Variants in PTPRM observed in about 807,000 individuals in gnomAD.
The protein encoded by PTPRM is receptor-type tyrosine-protein phosphatase mu.
Under a neutral mutation model 186.7 loss-of-function variants are expected in PTPRM, and 47 were observed. The ratio of observed to expected loss-of-function variants is 0.25; its 90% CI spans 0.20 to 0.32. PTPRM has a LOEUF of 0.32. Among genes scored for constraint, PTPRM ranks in the 10% least tolerant of loss-of-function variants. The probability of loss-of-function intolerance (pLI) is 1.00; values close to 1 mark genes in which losing one functional copy is unlikely to be tolerated. For synonymous variants in PTPRM, 668 were observed against 674.9 expected (o/e 0.99, Z 0.16); for missense variants, 1,494 against 1,865.0 (o/e 0.80, Z 3.66).
intron 30 of PTPRM, among the ~76,000 whole-genome samples, chr18:8,386,089 TG>T (rs1568881941): frequency 6.6e-6 from 1 of 151,868 alleles, no homozygotes; most frequent in African/African-American, 2.4e-5. Flanking sequence ...TGTTTGTGGG[TG>T]GGGGGCATTG....
At chr18:7,892,504 A>G (rs1370962326) in intron 3 of PTPRM, among the ~76,000 whole-genome samples, 1 of 152,058 alleles carries the variant, frequency 6.6e-6, no homozygotes, top group Non-Finnish European at 1.5e-5. Context: ...CCCAATTGTG[A>G]ACTTTTCTGC....
chr18:7,851,746 C>T (rs952415856), intron 2 of PTPRM, among the ~76,000 whole-genome samples: 2 of 151,998 alleles, frequency 1.3e-5, no homozygotes, highest in Non-Finnish European at 2.9e-5. Context: ...AAAGCATGAT[C>T]GTGCAGGGAA....
At chr18:7,651,957 G>T (rs1217867002) in intron 1 of PTPRM, among the ~76,000 whole-genome samples, 1 of 152,088 alleles carries the variant, frequency 6.6e-6, no homozygotes, top group Non-Finnish European at 1.5e-5. Flanking sequence ...CCATCAGAGT[G>T]AACAGGCAAC....
intron 7 of PTPRM, among the ~76,000 whole-genome samples, chr18:8,036,096 A>G (rs945844664): frequency 1.3e-5 from 2 of 152,216 alleles, no homozygotes; most frequent in African/African-American, 2.4e-5. Context: ...TGGAGGTTGC[A>G]TCAACTGGTG....
intron 14 of PTPRM, among the ~76,000 whole-genome samples, chr18:8,219,989 C>T (rs1204343192): frequency 2.6e-5 from 4 of 152,056 alleles, no homozygotes; most frequent in East Asian, 3.9e-4. Context: ...GGCGCTATAA[C>T]GAGGTGTGTC....
chr18:8,332,309 C>G (rs916075849), intron 22 of PTPRM, among the ~76,000 whole-genome samples: 1 of 152,144 alleles, frequency 6.6e-6, no homozygotes, highest in Admixed American at 6.5e-5. Flanking sequence ...AGAGGTTTCC[C>G]AGGCTATTTT....
chr18:7,567,957 C>G lies in PTPRM; in HGVS notation c.73+66C>G. Reference sequence around the variant, plus strand: ...CGGCGCGGGACGCCCGGGACGCCGACAGCTCCCTGGTGGTAGAGCCCTAAG... The same window carrying G: ...CGGCGCGGGACGCCCGGGACGCCGAGAGCTCCCTGGTGGTAGAGCCCTAAG... On this transcript the variant is annotated intron_variant, in intron 1 of 32. Transcript: ENST00000580170. This position sits in a 1 kb window ranked among gnomAD's most constrained non-coding sequence, Gnocchi z 4.3. 6.9e-7 allele frequency: 1 copy of G among 1,453,560 alleles called. No homozygotes were observed. Among genetic ancestry groups the G allele is most frequent in the Non-Finnish European group, 9.0e-7 (1 of 1,106,874 alleles). The allele number at this position is 1,453,560 out of a possible 1,614,324, so 90.0% of individuals were successfully genotyped here.
chr18:8,053,079 A>G (rs928229263), intron 7 of PTPRM, among the ~76,000 whole-genome samples: 7 of 152,052 alleles, frequency 4.6e-5, no homozygotes, highest in African/African-American at 1.4e-4. Flanking sequence ...TCGTTTGTTT[A>G]GTGGTTGCCA....
Position 8,249,288 on chromosome 18 carries a change from A to G in PTPRM, c.2554+1112A>G, listed in dbSNP as rs548443947. 1.9e-3 allele frequency among the ~76,000 whole-genome samples: 290 copies of G among 152,296 alleles called. 2 individuals are homozygous for G. Among genetic ancestry groups the G allele is most frequent in the African/African-American group, 6.8e-3 (281 of 41,564 alleles). Reference sequence around the variant, plus strand: ...TTCCTAATGGTGTTCTGTGGGCTTAAGCAAGTTTGTTGCCTAAGGAAAAAA... The same window carrying G: ...TTCCTAATGGTGTTCTGTGGGCTTAGGCAAGTTTGTTGCCTAAGGAAAAAA... On this transcript the variant is annotated intron_variant, in intron 17 of 32. Transcript: ENST00000580170.
At chr18:7,940,902 TG>T (rs1307418323) in intron 5 of PTPRM, among the ~76,000 whole-genome samples, 4 of 152,112 alleles carry the variant, frequency 2.6e-5, no homozygotes, top group African/African-American at 9.7e-5. Context: ...CTAGGAATTA[TG>T]GGGTGCTGTC....
intron 14 of PTPRM, among the ~76,000 whole-genome samples, chr18:8,210,778 G>T (rs1300261889): frequency 6.6e-6 from 1 of 152,148 alleles, no homozygotes; most frequent in African/African-American, 2.4e-5. Flanking sequence ...GTGAGCCCTG[G>T]GGGAACTGTT....
chr18:8,341,689 C>CA lies in PTPRM; in HGVS notation c.2957-1734_2957-1733insA, dbSNP rs950036340. ...CCCTGTGTACCTAGTGAAGCCCCCC[C>CA]CCCTTTGATTCAGGGGTCACATTGG... On this transcript the variant is annotated intron_variant, in intron 22 of 32. Coordinates refer to ENST00000580170, the MANE Select transcript of PTPRM (RefSeq NM_001105244.2). Among the ~76,000 whole-genome samples the CA allele has an allele frequency of 5.3e-5, 8 of 151,800 alleles. No individual in the cohort carries two copies. The South Asian group carries it at 1.0e-3, about 20-fold the overall frequency.
At chr18:7,866,004 T>A (rs898079648) in intron 2 of PTPRM, among the ~76,000 whole-genome samples, 8 of 152,198 alleles carry the variant, frequency 5.3e-5, no homozygotes, top group Non-Finnish European at 1.2e-4. Context: ...GATGGTAGTT[T>A]GTATTTTTGT....
intron 2 of PTPRM, among the ~76,000 whole-genome samples, chr18:7,848,210 T>C (rs2046693327): frequency 1.3e-5 from 2 of 152,196 alleles, no homozygotes; most frequent in Admixed American, 1.3e-4. Flanking sequence ...TGGACTGAAA[T>C]CATAATGTTA....
chr18:8,371,525 C>T (rs1004721316), intron 24 of PTPRM, among the ~76,000 whole-genome samples: 2 of 152,118 alleles, frequency 1.3e-5, no homozygotes, highest in Non-Finnish European at 2.9e-5. Flanking sequence ...TACCTGGAAA[C>T]CTAAGTGACT....
At chr18:7,656,317 C>G (rs1452262981) in intron 1 of PTPRM, among the ~76,000 whole-genome samples, 1 of 152,176 alleles carries the variant, frequency 6.6e-6, no homozygotes, top group Non-Finnish European at 1.5e-5. Context: ...AAGCTGATCA[C>G]AGAAAGACAA....
intron 19 of PTPRM, among the ~76,000 whole-genome samples, chr18:8,289,430 A>G (rs1051115046): frequency 7.2e-6 from 1 of 139,636 alleles, no homozygotes; most frequent in Non-Finnish European, 1.5e-5. Flanking sequence ...ATACGTATAT[A>G]TATGTATATA....
In PTPRM at chr18:7,757,099, C is replaced by T. The variant is rs74832450; in HGVS notation, c.74-17050C>T. Among the ~76,000 whole-genome samples the T allele has an allele frequency of 3.5e-3, 529 of 152,318 alleles. 2 individuals are homozygous for T. The highest frequency in any genetic ancestry group is 0.012 in the African/African-American group (484 of 41,580). On this transcript the variant is annotated intron_variant, in intron 1 of 32. Transcript: ENST00000580170. ...CTCTTTTGGAATGCTCTGTATGTGC[C>T]TCTCAGAACTTCTCCCAGCTTCCCA...
intron 1 of PTPRM, among the ~76,000 whole-genome samples, chr18:7,660,089 C>T (rs2038943792): frequency 6.6e-6 from 1 of 152,072 alleles, no homozygotes; most frequent in Non-Finnish European, 1.5e-5. Flanking sequence ...ACCTGTAATC[C>T]CAGCACTTTG....
Sources: allele counts gnomAD v4.1 joint callset (sites outside exome capture counted in the v4.1 genomes callset), GRCh38; gene constraint gnomAD v4.1.1; non-coding constraint Gnocchi (gnomAD v3.1); transcripts MANE v1.5; gene names NCBI Gene and HGNC (gene_info 2026-07-23, HGNC 2026-07-21).